The following CNTNAP2 variants were observed in gnomAD, a reference collection of about 807,000 sequenced individuals.
CNTNAP2 encodes contactin-associated protein-like 2.
A neutral mutation model predicts 155.2 loss-of-function variants in CNTNAP2; 98 were observed. That is an observed-to-expected ratio of 0.63 (90% CI 0.54 to 0.75). The LOEUF (loss-of-function observed/expected upper bound fraction) is 0.75. Among genes scored for constraint, CNTNAP2 ranks in the 30% least tolerant of loss-of-function variants. CNTNAP2 has a pLI of 0.00. For synonymous variants in CNTNAP2, 651 were observed against 631.2 expected, an observed-to-expected ratio of 1.03 and a Z score of -0.47; for missense variants, 1,727 against 1,688.1, an observed-to-expected ratio of 1.02 and a Z score of -0.40.
Position 147,508,847 on chromosome 7 carries a change from G to A in CNTNAP2, c.1777+22806G>A, listed in dbSNP as rs112538753. Reference sequence around the variant, plus strand: ...CTTCTGCCATGATTGTGAGGCCTCCGCAGCCATGTGGAACTGTGAGTCCAT... The same window carrying A: ...CTTCTGCCATGATTGTGAGGCCTCCACAGCCATGTGGAACTGTGAGTCCAT... On this transcript the variant is annotated intron_variant, in intron 11 of 23. Transcript: ENST00000361727. Among the ~76,000 whole-genome samples, 1,301 of 152,180 alleles carry A rather than the reference G, an allele frequency of 8.5e-3. 25 individuals are homozygous for A. The highest frequency in any genetic ancestry group is 0.029 in the African/African-American group (1,206 of 41,518).
intron 13 of CNTNAP2, among the ~76,000 whole-genome samples, chr7:147,663,839 C>T (rs1795654458): frequency 6.6e-6 from 1 of 152,010 alleles, no homozygotes; most frequent in African/African-American, 2.4e-5. Flanking sequence ...TAATATTTAG[C>T]TTTTAAAGCC....
chr7:146,707,334 C>G (rs1245080851), intron 1 of CNTNAP2, among the ~76,000 whole-genome samples: 1 of 152,186 alleles, frequency 6.6e-6, no homozygotes, highest in African/African-American at 2.4e-5. Flanking sequence ...TGGGGCCTCA[C>G]TCCATTGTCT....
intron 15 of CNTNAP2, among the ~76,000 whole-genome samples, chr7:148,067,966 A>G (rs1277881815): frequency 6.6e-6 from 1 of 152,072 alleles, no homozygotes; most frequent in Non-Finnish European, 1.5e-5. Context: ...CACTTCCCAC[A>G]CAGCCAGCAA....
chr7:147,034,306 G>C lies in CNTNAP2; in HGVS notation c.403-9601G>C, dbSNP rs1022329448. Among the ~76,000 whole-genome samples the C allele has an allele frequency of 2.0e-5, 3 of 152,274 alleles. No individual in the cohort carries two copies. The South Asian group carries it at 6.2e-4, about 32-fold the overall frequency. ...TTTAGCTTGTTTATTTTCTGCATTT[G>C]AAACAGGAGTTTTCCCTTTTCCTCT... On this transcript the variant is annotated intron_variant, in intron 3 of 23. Transcript: ENST00000361727.
chr7:146,216,850 A>G (rs188776177), intron 1 of CNTNAP2, among the ~76,000 whole-genome samples: 44 of 152,280 alleles, frequency 2.9e-4, no homozygotes, highest in Non-Finnish European at 5.4e-4. Context: ...GTTGGTTTAT[A>G]TCATCACCTG....
At chr7:146,630,458 C>A (rs960457825) in intron 1 of CNTNAP2, among the ~76,000 whole-genome samples, 1 of 151,956 alleles carries the variant, frequency 6.6e-6, no homozygotes, top group Admixed American at 6.6e-5. Context: ...GTGCATGTGT[C>A]TTTATAGTAG....
At chr7:147,636,792 A>G (rs1584871449) in intron 12 of CNTNAP2, among the ~76,000 whole-genome samples, 1 of 152,140 alleles carries the variant, frequency 6.6e-6, no homozygotes, top group East Asian at 1.9e-4. Context: ...ATGTGGGGGG[A>G]CAGACTTTAA....
chr7:146,502,113 C>T (rs1563109520), intron 1 of CNTNAP2, among the ~76,000 whole-genome samples: 1 of 151,198 alleles, frequency 6.6e-6, no homozygotes, highest in African/African-American at 2.4e-5. Context: ...TCTTTATGTG[C>T]CTGGCCTATT....
chr7:146,183,606 A>AAATAATAAT (rs55823511), intron 1 of CNTNAP2, among the ~76,000 whole-genome samples: 2,073 of 143,422 alleles, frequency 0.014, 38 homozygotes, highest in African/African-American at 0.041. Context: ...ATCACCACAC[A>AAATAATAAT]AATAATAATA....
At chr7:147,331,479 C>A (rs1795567454) in intron 9 of CNTNAP2, among the ~76,000 whole-genome samples, 1 of 152,028 alleles carries the variant, frequency 6.6e-6, no homozygotes, top group African/African-American at 2.4e-5. Context: ...AGCACCAATA[C>A]AGCATTAGCC....
At chr7:146,812,442 A>AAATATATAAAATATATATATATATATAT in intron 2 of CNTNAP2, among the ~76,000 whole-genome samples, 1 of 141,786 alleles carries the variant, frequency 7.1e-6, no homozygotes, top group African/African-American at 2.8e-5. Context: ...TATATATATA[A>AAATATATAAAATATATATATATATATAT]AAAATATATA....
In CNTNAP2 at chr7:147,422,831, A is replaced by G. The variant is rs544441002; in HGVS notation, c.1670+27051A>G. On this transcript the variant is annotated intron_variant, in intron 10 of 23. Coordinates refer to ENST00000361727, the MANE Select transcript of CNTNAP2 (RefSeq NM_014141.6). ...TTCAAAACCCTTTAAATACTTGAACATATTTTTAAGCTCACAAAATACTTT... is the reference window on the plus strand; with the variant it reads ...TTCAAAACCCTTTAAATACTTGAACGTATTTTTAAGCTCACAAAATACTTT... 6.6e-5 allele frequency among the ~76,000 whole-genome samples: 10 copies of G among 152,298 alleles called. 1 individual carries two copies. In the South Asian group the frequency reaches 1.0e-3, roughly 16 times the overall value.
At chr7:146,690,224 A>G (rs188522017) in intron 1 of CNTNAP2, among the ~76,000 whole-genome samples, 2 of 152,270 alleles carry the variant, frequency 1.3e-5, no homozygotes, top group Admixed American at 6.6e-5. Context: ...CCATAATTGC[A>G]TAAATTACAA....
chr7:148,221,680 C>G lies in CNTNAP2; in HGVS notation c.3247+4156C>G, dbSNP rs73474244. Reference sequence around the variant, plus strand: ...CTACTAGAAAGTCTCCACTAAACACCCTGGCATCACTCACATTTCACATAT... The same window carrying G: ...CTACTAGAAAGTCTCCACTAAACACGCTGGCATCACTCACATTTCACATAT... On this transcript the variant is annotated intron_variant, in intron 19 of 23. Transcript: ENST00000361727. 5.7e-3 allele frequency among the ~76,000 whole-genome samples: 872 copies of G among 152,234 alleles called. 9 individuals are homozygous for G. Among genetic ancestry groups the G allele is most frequent in the African/African-American group, 0.02 (834 of 41,522 alleles).
chr7:148,056,177 G>A (rs1249796235), intron 15 of CNTNAP2, among the ~76,000 whole-genome samples: 1 of 152,208 alleles, frequency 6.6e-6, no homozygotes, highest in Non-Finnish European at 1.5e-5. Flanking sequence ...GACAGTGAGA[G>A]AAGAGAATTT....
intron 1 of CNTNAP2, among the ~76,000 whole-genome samples, chr7:146,574,761 G>T (rs889424269): frequency 6.6e-6 from 1 of 152,116 alleles, no homozygotes; most frequent in Non-Finnish European, 1.5e-5. Context: ...TAAAATGTAT[G>T]TGAAAACAGA....
At chr7:148,146,916 G>A (rs1300706037) in intron 16 of CNTNAP2, among the ~76,000 whole-genome samples, 3 of 152,178 alleles carry the variant, frequency 2.0e-5, no homozygotes, top group African/African-American at 7.2e-5. Context: ...CCCCAAAGCA[G>A]TAGCTCTCAA....
chr7:146,466,358 T>G (rs1234658220), intron 1 of CNTNAP2, among the ~76,000 whole-genome samples: 1 of 152,198 alleles, frequency 6.6e-6, no homozygotes, highest in East Asian at 1.9e-4. Context: ...CTGTGCTGTT[T>G]CGTAGAACTT....
chr7:146,339,098 T>C (rs1801329841), intron 1 of CNTNAP2, among the ~76,000 whole-genome samples: 1 of 152,146 alleles, frequency 6.6e-6, no homozygotes, highest in Admixed American at 6.5e-5. Flanking sequence ...GGCAGGAGAA[T>C]CCCTTGAACC....
Sources: gnomAD v4.1 joint callset for allele counts (sites outside exome capture counted in the v4.1 genomes callset) on GRCh38, gnomAD v4.1.1 for gene constraint, MANE v1.5 for transcripts, NCBI Gene and HGNC (gene_info 2026-07-23, HGNC 2026-07-21) for gene names.